The following KAZN variants were observed in gnomAD, a reference collection of about 807,000 sequenced individuals.
KAZN encodes kazrin, periplakin interacting protein.
In KAZN, 40 loss-of-function variants were observed where a neutral mutation model predicts 87.4. That is an observed-to-expected ratio of 0.46 (90% CI 0.36 to 0.60). The LOEUF is 0.60. KAZN is among the 20% of genes least tolerant of loss of function. The pLI is 0.00. For synonymous variants in KAZN, 466 were observed against 458.3 expected, an observed-to-expected ratio of 1.02 and a Z score of -0.22; for missense variants, 898 against 1,073.9, an observed-to-expected ratio of 0.84 and a Z score of 2.29.
At chr1:14,420,531 G>A (rs1255838581) in intron 2 of KAZN, among the ~76,000 whole-genome samples, 1 of 152,198 alleles carries the variant, frequency 6.6e-6, no homozygotes, top group African/African-American at 2.4e-5. Flanking sequence ...CAGTCAGTGG[G>A]ACCAGGTGCC....
intron 1 of KAZN, among the ~76,000 whole-genome samples, chr1:14,778,393 G>GAAAAA (rs34655175): frequency 7.3e-6 from 1 of 136,400 alleles, no homozygotes; most frequent in Non-Finnish European, 1.6e-5. Context: ...TAACCCTTAA[G>GAAAAA]AAAAAAAAAA....
Position 14,112,417 on chromosome 1 carries a change from C to CTATTT in KAZN, c.92-68018_92-68017insTATTT, listed in dbSNP as rs1644519378. Reference sequence around the variant, plus strand: ...AGGAGCTGCCTGCATCCCTCCCACTCCTCTTTGGCCACTGTGGGTTGTCAA... The same window carrying CTATTT: ...AGGAGCTGCCTGCATCCCTCCCACTCTATTTCTCTTTGGCCACTGTGGGTTGTCAA... On this transcript the variant is annotated intron_variant, in intron 1 of 16. Transcript: ENST00000636203. 5.1e-5 allele frequency among the ~76,000 whole-genome samples: 4 copies of CTATTT among 77,830 alleles called. 1 individual carries two copies. The highest frequency in any genetic ancestry group is 4.4e-4 in the South Asian group (1 of 2,292). 51.1% of individuals were successfully genotyped at this position (77,830 alleles called of 152,430 possible). A position where few individuals can be genotyped will look rare whatever the true frequency, so the allele number is the denominator to read the frequency against.
chr1:13,925,321 G>A (rs1422796253), intron 1 of KAZN, among the ~76,000 whole-genome samples: 1 of 152,204 alleles, frequency 6.6e-6, no homozygotes, highest in Non-Finnish European at 1.5e-5. Context: ...AGTTTTGAAA[G>A]AGTCACCACT....
At chr1:13,909,837 G>A (rs931687197) in intron 1 of KAZN, among the ~76,000 whole-genome samples, 1 of 152,134 alleles carries the variant, frequency 6.6e-6, no homozygotes, top group Non-Finnish European at 1.5e-5. Context: ...AAATGTAGAA[G>A]GGAGACCAGA....
At chr1:15,069,185 C>T (rs1393358004) in intron 8 of KAZN, among the ~76,000 whole-genome samples, 4 of 152,166 alleles carry the variant, frequency 2.6e-5, no homozygotes, top group Admixed American at 6.5e-5. Context: ...CTCTCCCTGG[C>T]CCCATGCAGA....
intron 2 of KAZN, among the ~76,000 whole-genome samples, chr1:14,963,423 AC>A (rs1245998318): frequency 6.6e-6 from 1 of 152,180 alleles, no homozygotes; most frequent in African/African-American, 2.4e-5. Flanking sequence ...AGAAGCAGAG[AC>A]TTTTTCCCAC....
Position 13,929,079 on chromosome 1 carries a change from G to A in KAZN, c.91+35323G>A, listed in dbSNP as rs997431464. 9.1e-5 allele frequency among the ~76,000 whole-genome samples: 13 copies of A among 142,236 alleles called. No homozygotes were observed. The South Asian group carries it at 2.8e-3, about 31-fold the overall frequency. 93.3% of individuals were successfully genotyped at this position (142,236 alleles called of 152,430 possible). ...TTTTTTTTTTTTTTTTTAAGAGACA[G>A]GGTCTTACTCTGTCACCCAAGCTGG... On this transcript the variant is annotated intron_variant, in intron 1 of 16. Coordinates refer to the KAZN transcript ENST00000636203.
chr1:14,190,065 G>A lies in KAZN; in HGVS notation c.249+9473G>A, dbSNP rs562134598. On this transcript the variant is annotated intron_variant, in intron 2 of 16. Coordinates refer to the KAZN transcript ENST00000636203. Reference sequence around the variant, plus strand: ...CCTCTACATCCAACTTGGGCAGGATGACTTCAAATGGGCTGGTGATGAACT... The same window carrying A: ...CCTCTACATCCAACTTGGGCAGGATAACTTCAAATGGGCTGGTGATGAACT... 4.6e-5 allele frequency among the ~76,000 whole-genome samples: 7 copies of A among 152,214 alleles called. No individual in the cohort carries two copies. The South Asian group carries it at 1.5e-3, about 32-fold the overall frequency.
chr1:14,589,348 GA>G (rs1676051168), intron 2 of KAZN, among the ~76,000 whole-genome samples: 1 of 151,286 alleles, frequency 6.6e-6, no homozygotes, highest in Non-Finnish European at 1.5e-5. Context: ...AAAAAAAAGG[GA>G]GGGGGGGCAG....
At chr1:15,032,124 C>A (rs866632575) in intron 2 of KAZN, among the ~76,000 whole-genome samples, 2 of 151,694 alleles carry the variant, frequency 1.3e-5, no homozygotes, top group Admixed American at 6.6e-5. Flanking sequence ...ACACCCAGCC[C>A]GAGGCAGACG....
chr1:15,036,263 T>TGCCCTGCCCGCCCAGCTC (rs1672268805), intron 3 of KAZN, among the ~76,000 whole-genome samples: 1 of 9,856 alleles, frequency 1.0e-4, no homozygotes. Flanking sequence ...GCCCCAGCCC[T>TGCCCTGCCCGCCCAGCTC]CCCCTGCCCT....
At chr1:14,050,162 G>GAT (rs1557433321) in intron 1 of KAZN, among the ~76,000 whole-genome samples, 2 of 151,724 alleles carry the variant, frequency 1.3e-5, no homozygotes, top group African/African-American at 2.4e-5. Flanking sequence ...GCTTGTGCGC[G>GAT]TGTGTGGGTG....
chr1:14,171,772 A>G (rs921238779), intron 1 of KAZN, among the ~76,000 whole-genome samples: 2 of 152,208 alleles, frequency 1.3e-5, no homozygotes, highest in African/African-American at 4.8e-5. Context: ...ATAATAGCCC[A>G]TCTCAGTGAC....
At chr1:14,293,924 T>G (rs527434531) in intron 2 of KAZN, among the ~76,000 whole-genome samples, 1 of 152,300 alleles carries the variant, frequency 6.6e-6, no homozygotes, top group South Asian at 2.1e-4. Context: ...GCAGAGACTC[T>G]CTTCCAACAG....
intron 1 of KAZN, among the ~76,000 whole-genome samples, chr1:14,016,184 C>G (rs1640562646): frequency 6.6e-6 from 1 of 152,094 alleles, no homozygotes. Flanking sequence ...GAAGCATTGC[C>G]AAAGCCTGGT....
At chr1:14,995,205 G>A (rs1280202525) in intron 2 of KAZN, among the ~76,000 whole-genome samples, 1 of 152,218 alleles carries the variant, frequency 6.6e-6, no homozygotes, top group Non-Finnish European at 1.5e-5. Context: ...TGCCAGTGCT[G>A]GGCCCTGGCC....
At chr1:14,817,570 G>C (rs1162789491) in intron 1 of KAZN, among the ~76,000 whole-genome samples, 3 of 152,184 alleles carry the variant, frequency 2.0e-5, no homozygotes, top group African/African-American at 7.2e-5. Flanking sequence ...GCACATAGTA[G>C]GTGCTCAATA....
intron 2 of KAZN, among the ~76,000 whole-genome samples, chr1:14,220,615 T>A (rs1024972080): frequency 6.6e-6 from 1 of 152,168 alleles, no homozygotes; most frequent in African/African-American, 2.4e-5. Context: ...TCTGATTTGG[T>A]GATAGCACAT....
chr1:13,920,847 C>T (rs1374572508), intron 1 of KAZN, among the ~76,000 whole-genome samples: 1 of 152,078 alleles, frequency 6.6e-6, no homozygotes, highest in Non-Finnish European at 1.5e-5. Context: ...GGCCATTAGG[C>T]TGATGTTTTT....
Sources: allele counts gnomAD v4.1 joint callset (sites outside exome capture counted in the v4.1 genomes callset), GRCh38; gene constraint gnomAD v4.1.1; transcripts MANE v1.5; gene names NCBI Gene and HGNC (gene_info 2026-07-23, HGNC 2026-07-21).